Variants in CDH23 observed in about 807,000 individuals in gnomAD.
The protein encoded by CDH23 is cadherin-23.
In CDH23, 189 loss-of-function variants were observed where a neutral mutation model predicts 317.1. The ratio of observed to expected loss-of-function variants is 0.60; its 90% CI spans 0.53 to 0.67. CDH23 has a LOEUF of 0.67. Among genes scored for constraint, CDH23 ranks in the 30% least tolerant of loss-of-function variants. The pLI is 0.00. For synonymous variants in CDH23, 1,839 were observed against 1,876.8 expected, an observed-to-expected ratio of 0.98 and a Z score of 0.52; for missense variants, 4,401 against 4,592.4, an observed-to-expected ratio of 0.96 and a Z score of 1.20.
At chr10:71,398,407 A>G (rs1256547250) in intron 1 of CDH23, among the ~76,000 whole-genome samples, 1 of 149,186 alleles carries the variant, frequency 6.7e-6, no homozygotes, top group East Asian at 2.0e-4. Context: ...TGGATTTTGA[A>G]ATAAGCTAGA....
intron 14 of CDH23, among the ~76,000 whole-genome samples, chr10:71,655,166 C>G (rs1242050823): frequency 6.6e-6 from 1 of 152,138 alleles, no homozygotes; most frequent in Non-Finnish European, 1.5e-5. Flanking sequence ...CTGGGACGAG[C>G]TCTCCGTGAC....
At chr10:71,676,488 G>C (rs188221667) in intron 15 of CDH23, among the ~76,000 whole-genome samples, 137 of 151,744 alleles carry the variant, frequency 9.0e-4, no homozygotes, top group African/African-American at 3.2e-3. Flanking sequence ...TTAGCCGGGC[G>C]TGGTGGCAGG....
At chr10:71,753,291 C>T (rs1316120735) in intron 38 of CDH23, among the ~76,000 whole-genome samples, 1 of 152,254 alleles carries the variant, frequency 6.6e-6, no homozygotes, top group Non-Finnish European at 1.5e-5. Flanking sequence ...AGACCAAAGG[C>T]AGCCAGCGCT....
chr10:71,451,986 A>G (rs530155901), intron 3 of CDH23, among the ~76,000 whole-genome samples: 1 of 152,146 alleles, frequency 6.6e-6, no homozygotes, highest in East Asian at 1.9e-4. Context: ...GGCGATGGGG[A>G]TGGCTGCCCA....
chr10:71,800,506 G>T lies in CDH23; in HGVS notation c.7363-130G>T, dbSNP rs531000127. 235 of 1,133,854 alleles carry T rather than the reference G, an allele frequency of 2.1e-4. No homozygotes were observed. The African/African-American group carries it at 3.2e-3, about 16-fold the overall frequency. 70.2% of individuals were successfully genotyped at this position (1,133,854 alleles called of 1,614,324 possible). A position where few individuals can be genotyped will look rare whatever the true frequency, so the allele number is the denominator to read the frequency against. The stretch of plus-strand genomic sequence containing the variant: ...AGCCCCTAGAATGGGAGCTTGCTGG[G>T]GGCAGAGGTTATTGTCTCTTTTGTT... On this transcript the variant is annotated intron_variant, in intron 52 of 69. Coordinates refer to ENST00000224721, the MANE Select transcript of CDH23 (RefSeq NM_022124.6).
intron 3 of CDH23, among the ~76,000 whole-genome samples, chr10:71,476,443 T>G (rs1240545978): frequency 6.6e-6 from 1 of 152,126 alleles, no homozygotes; most frequent in Admixed American, 6.5e-5. Flanking sequence ...GGCAGATGGC[T>G]GGGTAGGAAG....
intron 69 of CDH23, 118 bp from the exon 70 acceptor site, chr10:71,814,834 A>G: frequency 8.4e-7 from 1 of 1,189,036 alleles, no homozygotes; most frequent in Non-Finnish European, 1.1e-6. Context: ...AGAGTCTGAC[A>G]GGCCTGCTGC....
intron 69 of CDH23, among the ~76,000 whole-genome samples, chr10:71,813,554 G>C (rs1177872013): frequency 6.6e-6 from 1 of 152,152 alleles, no homozygotes; most frequent in Non-Finnish European, 1.5e-5. Context: ...TAGTCTCTAA[G>C]GCAGTCTTTC....
chr10:71,764,396 T>C (rs893121541), intron 38 of CDH23, among the ~76,000 whole-genome samples: 1 of 151,832 alleles, frequency 6.6e-6, no homozygotes, highest in Non-Finnish European at 1.5e-5. Context: ...ACATAGACAC[T>C]ATACTGATGA....
intron 55 of CDH23, 51 bp downstream of exon 55, chr10:71,803,471 T>C: frequency 6.6e-7 from 1 of 1,503,790 alleles, no homozygotes; most frequent in Non-Finnish European, 9.0e-7. Flanking sequence ...TTCTTCCAGC[T>C]GTGGCCTAGA....
intron 1 of CDH23, among the ~76,000 whole-genome samples, chr10:71,399,810 CAGAAAGAGGTG>C (rs1002122551): frequency 1.3e-5 from 2 of 152,000 alleles, no homozygotes; most frequent in Non-Finnish European, 2.9e-5. Flanking sequence ...GCACATGGGC[CAGAAAGAGGTG>C]AGTGGAGGGG....
At chr10:71,633,280 C>T (rs1474842587) in intron 11 of CDH23, among the ~76,000 whole-genome samples, 3 of 152,176 alleles carry the variant, frequency 2.0e-5, no homozygotes, top group African/African-American at 7.2e-5. Flanking sequence ...CCTTCCTTCT[C>T]TGTGTCTGTC....
At chr10:71,605,435 CA>C (rs1771083084) in intron 9 of CDH23, among the ~76,000 whole-genome samples, 1 of 152,112 alleles carries the variant, frequency 6.6e-6, no homozygotes, top group Non-Finnish European at 1.5e-5. Context: ...GGGTAGAGGC[CA>C]GGGGTGCTGC....
At chr10:71,768,162 T>TTGC (rs1438361218) in intron 38 of CDH23, among the ~76,000 whole-genome samples, 1 of 152,192 alleles carries the variant, frequency 6.6e-6, no homozygotes, top group Non-Finnish European at 1.5e-5. Context: ...GTTGGCTTTG[T>TTGC]TGCTGTTGTT....
rs199508694 is a variant in CDH23 at position 71,677,578 on chromosome 10, G to T, written c.1637G>T (p.Arg546Leu). The change falls in exon 16 of 70, where the codon CGG becomes CTG. Residue 546 changes from arginine to leucine, a missense_variant. Physicochemically the swap from Arg to Leu is moderately radical, Grantham distance 102 (BLOSUM62 -2). Transcript: ENST00000224721. ...GGGGGCGGCGAGGAGACCACAGGCC[G>T]GGTCAGGATCAATGTGTTGGATGTC... ...RDGGGEETTG[R>L]VRINVLDVND... 46 of 1,610,168 alleles carry T rather than the reference G, an allele frequency of 2.9e-5. No individual in the cohort carries two copies. In the South Asian group the frequency reaches 5.0e-4, roughly 18 times the overall value.
In CDH23 at chr10:71,810,624, C is replaced by T. The variant is rs1251492960; in HGVS notation, c.9077+55C>T. On this transcript the variant is annotated intron_variant, in intron 62 of 69. Coordinates refer to ENST00000224721, the MANE Select transcript of CDH23 (RefSeq NM_022124.6). ...GCCTGTCTGTCTGCCTGCCTCCCTG[C>T]CCTGGAGTAGGGGAGGGGACACACC... 3.7e-5 allele frequency: 56 copies of T among 1,527,960 alleles called. No homozygotes were observed. The Middle Eastern group carries it at 5.1e-4, about 14-fold the overall frequency. The allele number at this position is 1,527,960 out of a possible 1,614,324, so 94.7% of individuals were successfully genotyped here. A position where few individuals can be genotyped will look rare whatever the true frequency, so the allele number is the denominator to read the frequency against.
chr10:71,523,596 G>A (rs1236776952), intron 6 of CDH23, among the ~76,000 whole-genome samples: 1 of 152,158 alleles, frequency 6.6e-6, no homozygotes, highest in Non-Finnish European at 1.5e-5. Context: ...CAGCAGCCGG[G>A]GGGAAATAAA....
Position 71,721,310 on chromosome 10 carries a change from G to A in CDH23, c.3370-2735G>A, listed in dbSNP as rs117378351. On this transcript the variant is annotated intron_variant, in intron 28 of 69. Transcript: ENST00000224721. ...GAGAGAGAAAGAACTGCACGGCAAG[G>A]GGCAATCCAGCCATCCCCAGCTCTG... Among the ~76,000 whole-genome samples, 173 of 152,284 alleles carry A rather than the reference G, an allele frequency of 1.1e-3. No individual in the cohort carries two copies. In the East Asian group the frequency reaches 0.017, roughly 15 times the overall value.
chr10:71,643,024 G>C (rs1440731556), intron 11 of CDH23, among the ~76,000 whole-genome samples: 3 of 152,230 alleles, frequency 2.0e-5, no homozygotes, highest in Non-Finnish European at 4.4e-5. Flanking sequence ...GCAAATACTT[G>C]GTACTTACAA....
Sources: gnomAD v4.1 joint callset for allele counts (sites outside exome capture counted in the v4.1 genomes callset) on GRCh38, gnomAD v4.1.1 for gene constraint, MANE v1.5 for transcripts, NCBI Gene and HGNC (gene_info 2026-07-23, HGNC 2026-07-21) for gene names.